The following UGT1A8 variants were observed in gnomAD, a reference collection of about 807,000 sequenced individuals.
UGT1A8 encodes the protein UDP glucuronosyltransferase family 1 member A8.
In UGT1A8, 39 loss-of-function variants were observed where a neutral mutation model predicts 45.3. The ratio of observed to expected loss-of-function variants is 0.86; its 90% CI spans 0.67 to 1.12. The LOEUF (loss-of-function observed/expected upper bound fraction) is 1.12, where lower values mean the gene tolerates loss of function less well. UGT1A8 is among the 50% of genes most tolerant of loss of function. UGT1A8 has a pLI of 0.00. For synonymous variants in UGT1A8, 275 were observed against 249.2 expected (o/e 1.10, Z -0.97); for missense variants, 719 against 664.9 (o/e 1.08, Z -0.90).
intron 1 of UGT1A8, 35 bp downstream of exon 1, chr2:233,618,597 T>C (rs1158559548): frequency 6.4e-7 from 1 of 1,563,616 alleles, no homozygotes; most frequent in Non-Finnish European, 8.7e-7. Context: ...TTAGGAATAA[T>C]CTGGCTTTGG....
intron 1 of UGT1A8, among the ~76,000 whole-genome samples, chr2:233,727,911 G>A (rs1410482516): frequency 1.3e-5 from 2 of 152,196 alleles, no homozygotes; most frequent in Non-Finnish European, 2.9e-5. Context: ...AGAAGACACA[G>A]GGGCAGTGAG....
chr2:233,661,623 T>TTTTCTTTCTTTCTTTTTTCTTTCTTTC (rs1265546183), intron 1 of UGT1A8, among the ~76,000 whole-genome samples: 1 of 123,952 alleles, frequency 8.1e-6, no homozygotes, highest in African/African-American at 3.2e-5. Context: ...ACTTACTGAA[T>TTTTCTTTCTTTCTTTTTTCTTTCTTTC]TTTCTTTCTT....
intron 1 of UGT1A8, among the ~76,000 whole-genome samples, chr2:233,673,449 A>G (rs1417068364): frequency 1.3e-5 from 2 of 152,102 alleles, no homozygotes; most frequent in South Asian, 2.1e-4. Flanking sequence ...ACTCTTTAAT[A>G]CTTTCCTTAC....
At position 233,768,743 on chromosome 2, in the gene UGT1A8, C is replaced by T. The variant is rs540797215; in HGVS notation, c.1295+304C>T. Among the ~76,000 whole-genome samples the T allele has an allele frequency of 5.3e-5, 8 of 151,788 alleles. No homozygotes were observed. In the South Asian group the frequency reaches 1.3e-3, roughly 24 times the overall value. On this transcript the variant is annotated intron_variant, in intron 4 of 4. Coordinates refer to ENST00000373450, the MANE Select transcript of UGT1A8 (RefSeq NM_019076.5). ...GATTACAGGTGTCCACCACCACGCC[C>T]GGTTAATTTTTGTATTTTTTAGTAG...
intron 1 of UGT1A8, chr2:233,729,486 G>A: frequency 6.2e-7 from 1 of 1,614,202 alleles, no homozygotes; most frequent in South Asian, 1.1e-5. Flanking sequence ...TGAACAATAT[G>A]TCTTTGGTCT....
intron 1 of UGT1A8, among the ~76,000 whole-genome samples, chr2:233,674,614 T>A (rs879425971): frequency 6.6e-6 from 1 of 151,084 alleles, no homozygotes; most frequent in South Asian, 2.1e-4. Flanking sequence ...AACATCAAAC[T>A]ATATATGGTT....
At position 233,769,852 on chromosome 2, in the gene UGT1A8, T is replaced by C; in HGVS notation, c.1295+1413T>C. On this transcript the variant is annotated intron_variant, in intron 4 of 4. Coordinates refer to ENST00000373450, the MANE Select transcript of UGT1A8 (RefSeq NM_019076.5). The surrounding 1 kb of genome is among the most constrained non-coding windows in gnomAD (Gnocchi z 4.4). ...CAACCTGGGCAACAGAGTGAGACCC[T>C]GTCTCAAAAAAAAAAAAAAAAATGA... The C allele has an allele frequency of 2.2e-6, 1 of 461,208 alleles. No individual in the cohort carries two copies. Among genetic ancestry groups the C allele is most frequent in the South Asian group, 5.8e-5 (1 of 17,366 alleles). The allele number at this position is 461,208 out of a possible 1,614,324, so 28.6% of individuals were successfully genotyped here.
In UGT1A8 at chr2:233,754,904, A is replaced by C. The variant is rs113535606; in HGVS notation, c.856-12130A>C. On this transcript the variant is annotated intron_variant, in intron 1 of 4. Coordinates refer to ENST00000373450, the MANE Select transcript of UGT1A8 (RefSeq NM_019076.5). ...CCAGGGAGTTCCTCTGACCCCCCAA[A>C]ATATTCTCCAGCGGGTTTCCCAAGA... 1.2e-5 allele frequency: 16 copies of C among 1,351,372 alleles called. No homozygotes were observed. In the African/African-American group the frequency reaches 1.3e-4, roughly 11 times the overall value. The allele number at this position is 1,351,372 out of a possible 1,614,324, so 83.7% of individuals were successfully genotyped here. A position where few individuals can be genotyped will look rare whatever the true frequency, so the allele number is the denominator to read the frequency against.
At chr2:233,705,132 G>A (rs1332682546) in intron 1 of UGT1A8, among the ~76,000 whole-genome samples, 13 of 103,146 alleles carry the variant, frequency 1.3e-4, no homozygotes, top group Non-Finnish European at 2.0e-4. Flanking sequence ...GCGAGACTTC[G>A]TCTGAAAAAA....
chr2:233,644,075 AC>A (rs1269382700), intron 1 of UGT1A8, among the ~76,000 whole-genome samples: 1 of 151,666 alleles, frequency 6.6e-6, no homozygotes, highest in East Asian at 1.9e-4. Context: ...AGTATGTCAT[AC>A]TCCCCTTTAC....
At chr2:233,622,985 A>G (rs1274261231) in intron 1 of UGT1A8, among the ~76,000 whole-genome samples, 1 of 151,992 alleles carries the variant, frequency 6.6e-6, no homozygotes, top group Non-Finnish European at 1.5e-5. Flanking sequence ...AATAAGGAAT[A>G]TTTTCCCCAT....
chr2:233,628,250 A>G (rs1385464864), intron 1 of UGT1A8, among the ~76,000 whole-genome samples: 3 of 152,118 alleles, frequency 2.0e-5, no homozygotes, highest in African/African-American at 4.8e-5. Flanking sequence ...TGGTATCTGC[A>G]CATGGTTTCT....
In UGT1A8 at chr2:233,664,564, T is replaced by C. The variant is rs1449371553; in HGVS notation, c.855+46002T>C. On this transcript the variant is annotated intron_variant, in intron 1 of 4. Transcript: ENST00000373450. ...AGCCTCAGGGAGTGTTTACTCATGGTAGAAGATGAAGCAGGAGCATGTCAC... is the reference window on the plus strand; with the variant it reads ...AGCCTCAGGGAGTGTTTACTCATGGCAGAAGATGAAGCAGGAGCATGTCAC... Among the ~76,000 whole-genome samples the C allele has an allele frequency of 2.0e-5, 3 of 152,170 alleles. No homozygotes were observed. In the East Asian group the frequency reaches 5.8e-4, roughly 29 times the overall value.
rs574685315 is a variant in UGT1A8 at position 233,731,448 on chromosome 2, A to C, written c.856-35586A>C. Among the ~76,000 whole-genome samples, 490 of 151,900 alleles carry C rather than the reference A, an allele frequency of 3.2e-3. 2 individuals carry two copies. The highest frequency in any genetic ancestry group is 0.01 in the African/African-American group (431 of 41,418). Reference sequence around the variant, plus strand: ...CATCCCTCCCCCAGTCCCCCACCCCACAACAGGCCCTGGCGTGTGATGTTC... The same window carrying C: ...CATCCCTCCCCCAGTCCCCCACCCCCCAACAGGCCCTGGCGTGTGATGTTC... On this transcript the variant is annotated intron_variant, in intron 1 of 4. Coordinates refer to ENST00000373450, the MANE Select transcript of UGT1A8 (RefSeq NM_019076.5).
At chr2:233,637,326 C>T (rs141148905) in intron 1 of UGT1A8, 86 of 1,613,960 alleles carry the variant, frequency 5.3e-5, no homozygotes, top group African/African-American at 2.7e-4. Flanking sequence ...TGATGCCCAA[C>T]ATGATCTTCA....
intron 1 of UGT1A8, among the ~76,000 whole-genome samples, chr2:233,659,846 C>T (rs997863205): frequency 6.6e-6 from 1 of 152,178 alleles, no homozygotes; most frequent in Non-Finnish European, 1.5e-5. Flanking sequence ...AATCCTTCTG[C>T]GAGATTGTCT....
At chr2:233,636,924 A>G (rs370249058) in intron 1 of UGT1A8, 10 of 1,614,066 alleles carry the variant, frequency 6.2e-6, no homozygotes, top group African/African-American at 5.3e-5. Flanking sequence ...GAAAATTAGT[A>G]GAATACTTAA....
chr2:233,733,864 A>G (rs1575602891), intron 1 of UGT1A8, among the ~76,000 whole-genome samples: 1 of 151,900 alleles, frequency 6.6e-6, no homozygotes, highest in African/African-American at 2.4e-5. Context: ...TGATTGGAAT[A>G]GTTTCAGAAG....
Position 233,760,573 on chromosome 2 carries a change from G to A in UGT1A8, c.856-6461G>A, listed in dbSNP as rs1208621089. The A allele has an allele frequency of 1.1e-5, 18 of 1,614,052 alleles. No individual in the cohort carries two copies. The highest frequency in any genetic ancestry group is 2.7e-5 in the African/African-American group (2 of 74,912). ...TGTGAAAGAGTCTTTTGTTAGTCTC[G>A]GGCATAATGTTTTTGAGAATGATTC... On this transcript the variant is annotated intron_variant, in intron 1 of 4. Coordinates refer to ENST00000373450, the MANE Select transcript of UGT1A8 (RefSeq NM_019076.5).
Sources: allele counts gnomAD v4.1 joint callset (sites outside exome capture counted in the v4.1 genomes callset), GRCh38; gene constraint gnomAD v4.1.1; non-coding constraint Gnocchi (gnomAD v3.1); transcripts MANE v1.5; gene names NCBI Gene and HGNC (gene_info 2026-07-23, HGNC 2026-07-21).